The following HIVEP2 variants were observed in gnomAD, a reference collection of about 807,000 sequenced individuals.
HIVEP2 encodes HIVEP zinc finger 2.
HIVEP2 carries 14 observed loss-of-function variants against 180.7 expected under a neutral mutation model. The observed-to-expected ratio is 0.08, with a 90% CI of 0.05 to 0.12. HIVEP2 has a LOEUF of 0.12. Among genes scored for constraint, HIVEP2 ranks in the 10% least tolerant of loss-of-function variants. HIVEP2 has a pLI of 1.00. For synonymous variants in HIVEP2, 1,184 were observed against 1,136.4 expected (o/e 1.04, Z -0.84); for missense variants, 2,579 against 3,008.5 (o/e 0.86, Z 3.34).
chr6:142,911,721 A>T (rs1396463150), intron 1 of HIVEP2, among the ~76,000 whole-genome samples: 1 of 152,158 alleles, frequency 6.6e-6, no homozygotes, highest in African/African-American at 2.4e-5. Context: ...ATTCAAAAAC[A>T]TATTTCTCCC....
chr6:142,809,511 C>T (rs920334235), intron 2 of HIVEP2, among the ~76,000 whole-genome samples: 1 of 152,184 alleles, frequency 6.6e-6, no homozygotes. Flanking sequence ...TTGGCACACA[C>T]TTGGCTCTTA....
At chr6:142,815,987 T>G (rs139471345) in intron 2 of HIVEP2, among the ~76,000 whole-genome samples, 131 of 152,178 alleles carry the variant, frequency 8.6e-4, no homozygotes, top group African/African-American at 3.0e-3. Context: ...TAGAGAGGAT[T>G]TTTTTTTACA....
At chr6:142,756,799 A>ATCTG (rs1422714920) in intron 9 of HIVEP2, among the ~76,000 whole-genome samples, 76 of 88,444 alleles carry the variant, frequency 8.6e-4, no homozygotes, top group Admixed American at 3.9e-3. Context: ...AAGATACCTT[A>ATCTG]TCTATCTATC....
intron 1 of HIVEP2, among the ~76,000 whole-genome samples, chr6:142,891,875 C>T (rs184743216): frequency 1.3e-5 from 2 of 152,330 alleles, no homozygotes; most frequent in Admixed American, 1.3e-4. Flanking sequence ...AATCGAAAAA[C>T]TGGACTTCAT....
At chr6:142,763,266 C>T (rs1039790198) in intron 7 of HIVEP2, among the ~76,000 whole-genome samples, 1 of 152,026 alleles carries the variant, frequency 6.6e-6, no homozygotes, top group Non-Finnish European at 1.5e-5. Context: ...AGGAGAGTGG[C>T]GGGGGAGGCC....
intron 2 of HIVEP2, among the ~76,000 whole-genome samples, chr6:142,826,995 T>A (rs1307267070): frequency 1.3e-5 from 2 of 152,176 alleles, no homozygotes; most frequent in Non-Finnish European, 2.9e-5. Flanking sequence ...GAATGAATGA[T>A]TGTAAACACG....
At chr6:142,873,979 G>T (rs1776362872) in intron 1 of HIVEP2, among the ~76,000 whole-genome samples, 1 of 152,110 alleles carries the variant, frequency 6.6e-6, no homozygotes, top group Non-Finnish European at 1.5e-5. Context: ...GAAATGGGAG[G>T]ACACACCATA....
At chr6:142,918,639 A>G (rs1777618353) in intron 1 of HIVEP2, among the ~76,000 whole-genome samples, 1 of 152,224 alleles carries the variant, frequency 6.6e-6, no homozygotes. Flanking sequence ...CTGTAAAAAT[A>G]GAGCACTCCA....
At chr6:142,822,199 T>G (rs1054464273) in intron 2 of HIVEP2, among the ~76,000 whole-genome samples, 3 of 152,184 alleles carry the variant, frequency 2.0e-5, no homozygotes. Context: ...CTTTTGAGTC[T>G]TTTGGCTGCC....
chr6:142,808,215 T>C (rs1582877635), intron 2 of HIVEP2, among the ~76,000 whole-genome samples: 1 of 152,234 alleles, frequency 6.6e-6, no homozygotes, highest in South Asian at 2.1e-4. Context: ...ATCTGTATCA[T>C]GATCTATTAA....
At chr6:142,816,873 GGTGTGTGTGT>G (rs34958624) in intron 2 of HIVEP2, among the ~76,000 whole-genome samples, 19,870 of 148,544 alleles carry the variant, frequency 0.13, 1,454 homozygotes, top group Middle Eastern at 0.2. Flanking sequence ...AGCACCAGAG[GGTGTGTGTGT>G]GTGTGTGTGT....
chr6:142,828,721 C>A (rs1334298519), intron 2 of HIVEP2, among the ~76,000 whole-genome samples: 1 of 152,156 alleles, frequency 6.6e-6, no homozygotes, highest in Non-Finnish European at 1.5e-5. Flanking sequence ...TGAGCCACTG[C>A]ACCTGGCCTG....
At chr6:142,926,839 C>T (rs1014032427) in intron 1 of HIVEP2, among the ~76,000 whole-genome samples, 14 of 151,684 alleles carry the variant, frequency 9.2e-5, no homozygotes, top group Admixed American at 7.9e-4. Context: ...CTGCGGCGGC[C>T]GCCGGGCGCG....
At chr6:142,942,309 T>C (rs938418119) in intron 1 of HIVEP2, among the ~76,000 whole-genome samples, 3 of 144,820 alleles carry the variant, frequency 2.1e-5, no homozygotes, top group Non-Finnish European at 3.0e-5. Flanking sequence ...AAAAAAAAAA[T>C]GGCAAATTCT....
chr6:142,796,179 G>T (rs1229197665), intron 2 of HIVEP2, among the ~76,000 whole-genome samples: 2 of 152,132 alleles, frequency 1.3e-5, no homozygotes, highest in African/African-American at 4.8e-5. Flanking sequence ...AAAACTTCCT[G>T]CTTCACTGAG....
rs771479565 is a variant in HIVEP2 at position 142,771,803 on chromosome 6, A to C, written c.2936T>G (p.Phe979Cys). The stretch of plus-strand genomic sequence containing the variant: ...TTCTTCTCTTTCAAAAGACATGGAG[A>C]AACTGGAGCTGTGGGACAAGTTGCT... ...QESNLSHSSS[F>C]SMSFEREETS... is the part of the protein sequence containing the mutation. Residue 979 changes from phenylalanine (F) to cysteine (C), a missense_variant, in exon 5 of 10, where the codon TTC becomes TGC. By Grantham distance (205) the Phe-to-Cys change is radical (BLOSUM62 -2). Around this residue, in one of 11 missense-constraint regions of HIVEP2, gnomAD observed 523 missense variants for 577.0 expected, o/e 0.91. Transcript: ENST00000367603. This position sits in a 1 kb window ranked among gnomAD's most constrained non-coding sequence, Gnocchi z 5.4. The C allele has an allele frequency of 4.3e-6, 7 of 1,614,226 alleles. No individual in the cohort carries two copies. In the Admixed American group the frequency reaches 1.2e-4, roughly 27 times the overall value.
chr6:142,858,366 G>C (rs1582918203), intron 1 of HIVEP2, among the ~76,000 whole-genome samples: 1 of 151,810 alleles, frequency 6.6e-6, no homozygotes, highest in East Asian at 1.9e-4. Context: ...ACACAGGCAT[G>C]AGTGCTGGGC....
rs528459565 is a variant in HIVEP2 at position 142,762,141 on chromosome 6, C to T, written c.5519-576G>A. 2.0e-3 allele frequency among the ~76,000 whole-genome samples: 311 copies of T among 152,232 alleles called. 1 individual carries two copies. The highest frequency in any genetic ancestry group is 3.4e-3 in the Middle Eastern group (1 of 294). The stretch of plus-strand genomic sequence containing the variant: ...CCATACAAATAATTAGCTAACTACT[C>T]ATAGGGAGCATTATTCCCAGTATTT... On this transcript the variant is annotated intron_variant, in intron 7 of 9. Transcript: ENST00000367603.
At chr6:142,759,591 T>C (rs1775168675) in intron 9 of HIVEP2, among the ~76,000 whole-genome samples, 181 bp downstream of exon 9, 1 of 152,234 alleles carries the variant, frequency 6.6e-6, no homozygotes, top group African/African-American at 2.4e-5. Flanking sequence ...CTTTAGGTAA[T>C]GCCACAGCCA....
Sources: gnomAD v4.1 joint callset for allele counts (sites outside exome capture counted in the v4.1 genomes callset) on GRCh38, gnomAD v4.1.1 for gene constraint, gnomAD v4.1.1 regional missense constraint, Gnocchi (gnomAD v3.1) non-coding constraint, MANE v1.5 for transcripts, NCBI Gene and HGNC (gene_info 2026-07-23, HGNC 2026-07-21) for gene names.